The following MYO1D variants were observed in gnomAD, a reference collection of about 807,000 sequenced individuals.
MYO1D encodes the protein unconventional myosin-Id.
In MYO1D, 83 loss-of-function variants were observed where a neutral mutation model predicts 122.0. The ratio of observed to expected loss-of-function variants is 0.68; its 90% CI spans 0.57 to 0.82. The LOEUF (loss-of-function observed/expected upper bound fraction) is 0.82, where lower values mean the gene tolerates loss of function less well. Ranked by LOEUF, MYO1D falls within the 40% of genes least tolerant of loss-of-function variation. The probability of loss-of-function intolerance (pLI) is 0.00; values close to 1 mark genes in which losing one functional copy is unlikely to be tolerated. For missense variants in MYO1D, 1,157 were observed against 1,269.5 expected, an observed-to-expected ratio of 0.91 and a Z score of 1.35; for synonymous variants, 464 against 446.9, an observed-to-expected ratio of 1.04 and a Z score of -0.48.
chr17:32,849,559 G>A lies in MYO1D; in HGVS notation c.95+27219C>T, dbSNP rs189084656. 3.8e-3 allele frequency among the ~76,000 whole-genome samples: 574 copies of A among 150,898 alleles called. 5 individuals are homozygous for A. The highest frequency in any genetic ancestry group is 0.013 in the African/African-American group (519 of 40,532). Reference sequence around the variant, plus strand: ...AAATCATCATTCTCAGTAAACTATCGCAAGAACAAAAAACCAAACACCACA... The same window carrying A: ...AAATCATCATTCTCAGTAAACTATCACAAGAACAAAAAACCAAACACCACA... On this transcript the variant is annotated intron_variant, in intron 1 of 21. Coordinates refer to ENST00000318217, the MANE Select transcript of MYO1D (RefSeq NM_015194.3).
intron 16 of MYO1D, among the ~76,000 whole-genome samples, chr17:32,678,111 A>T (rs2150964734): frequency 6.6e-6 from 1 of 152,294 alleles, no homozygotes; most frequent in Middle Eastern, 3.4e-3. Flanking sequence ...TCTTTCTCAC[A>T]GCCTCCTTAT....
intron 2 of MYO1D, among the ~76,000 whole-genome samples, chr17:32,778,824 G>T (rs1449349704): frequency 2.0e-5 from 3 of 152,038 alleles, no homozygotes; most frequent in Non-Finnish European, 4.4e-5. Flanking sequence ...TACAAATAAA[G>T]ATTTACTTAG....
chr17:32,510,736 G>A (rs1035341757), intron 21 of MYO1D: 2 of 152,150 alleles, frequency 1.3e-5, no homozygotes, highest in South Asian at 2.1e-4. Flanking sequence ...CGACCCCTGC[G>A]TCGGTTCTCT....
intron 21 of MYO1D, among the ~76,000 whole-genome samples, chr17:32,570,961 T>C (rs1455602515): frequency 1.3e-5 from 2 of 152,002 alleles, no homozygotes; most frequent in East Asian, 3.9e-4. Context: ...AGTGACAGAT[T>C]AGTTCCACTT....
At chr17:32,847,728 TG>T (rs1423718937) in intron 1 of MYO1D, among the ~76,000 whole-genome samples, 2 of 152,170 alleles carry the variant, frequency 1.3e-5, no homozygotes, top group African/African-American at 4.8e-5. Context: ...TTGCCCAGGC[TG>T]ATCTCCAACT....
chr17:32,724,427 A>T (rs193251917), intron 14 of MYO1D, among the ~76,000 whole-genome samples: 16 of 152,354 alleles, frequency 1.1e-4, no homozygotes, highest in East Asian at 3.9e-4. Context: ...GGTTAACTAG[A>T]ATAGGTAAAC....
intron 11 of MYO1D, among the ~76,000 whole-genome samples, chr17:32,749,587 C>T (rs1455404720): frequency 2.0e-5 from 3 of 151,988 alleles, no homozygotes; most frequent in Admixed American, 1.3e-4. Flanking sequence ...AAAAATTAGG[C>T]GTGGTGGTAT....
intron 15 of MYO1D, among the ~76,000 whole-genome samples, chr17:32,714,030 C>T (rs1289957919): frequency 2.7e-5 from 4 of 150,560 alleles, no homozygotes; most frequent in Non-Finnish European, 3.0e-5. Context: ...TTAAAGTTTT[C>T]TCATATGTCT....
intron 15 of MYO1D, among the ~76,000 whole-genome samples, chr17:32,715,123 C>G (rs551130556): frequency 6.6e-6 from 1 of 152,254 alleles, no homozygotes; most frequent in African/African-American, 2.4e-5. Flanking sequence ...TAACATCTCA[C>G]GTCAGTCAGA....
intron 1 of MYO1D, among the ~76,000 whole-genome samples, chr17:32,849,521 TGG>T (rs1209203584): frequency 6.6e-6 from 1 of 151,160 alleles, no homozygotes; most frequent in African/African-American, 2.5e-5. Flanking sequence ...TGTAGGGACA[TGG>T]ATGAAACTGG....
At chr17:32,815,628 G>A (rs924776247) in intron 1 of MYO1D, among the ~76,000 whole-genome samples, 9 of 152,136 alleles carry the variant, frequency 5.9e-5, no homozygotes, top group African/African-American at 2.2e-4. Context: ...CACACGCTTT[G>A]GCAAAAGAAA....
At chr17:32,539,876 C>T (rs1285842157) in intron 21 of MYO1D, among the ~76,000 whole-genome samples, 1 of 152,152 alleles carries the variant, frequency 6.6e-6, no homozygotes, top group African/African-American at 2.4e-5. Context: ...AGTTTTAGGT[C>T]ATTCTACAAC....
intron 20 of MYO1D, among the ~76,000 whole-genome samples, chr17:32,625,513 G>A (rs181445429): frequency 7.9e-5 from 12 of 152,162 alleles, no homozygotes; most frequent in Non-Finnish European, 1.6e-4. Context: ...CATGACACAT[G>A]CGATGAATGT....
chr17:32,651,901 C>T (rs897642991), intron 19 of MYO1D, among the ~76,000 whole-genome samples: 19 of 152,078 alleles, frequency 1.2e-4, no homozygotes, highest in Non-Finnish European at 5.9e-5. Context: ...TGGTCTTGAT[C>T]GCTTGACCTC....
chr17:32,729,463 C>T (rs566687224), intron 14 of MYO1D, among the ~76,000 whole-genome samples: 5 of 152,058 alleles, frequency 3.3e-5, no homozygotes, highest in South Asian at 2.1e-4. Flanking sequence ...GAGCCAGGGA[C>T]GTCTACTTCT....
intron 21 of MYO1D, among the ~76,000 whole-genome samples, chr17:32,517,872 G>A (rs1909949187): frequency 6.6e-6 from 1 of 152,262 alleles, no homozygotes; most frequent in Admixed American, 6.5e-5. Context: ...CTGTGAAGGA[G>A]CGGCTGAGCC....
chr17:32,832,536 G>C (rs1008189951), intron 1 of MYO1D, among the ~76,000 whole-genome samples: 1 of 152,094 alleles, frequency 6.6e-6, no homozygotes, highest in Non-Finnish European at 1.5e-5. Flanking sequence ...CTGACCTTGC[G>C]ATCTGCCCGC....
At chr17:32,804,223 A>G (rs1567649979) in intron 1 of MYO1D, among the ~76,000 whole-genome samples, 1 of 152,208 alleles carries the variant, frequency 6.6e-6, no homozygotes, top group Non-Finnish European at 1.5e-5. Context: ...CAGTTGTTAT[A>G]CTATATTTTG....
intron 21 of MYO1D, among the ~76,000 whole-genome samples, chr17:32,571,551 G>T (rs2087228220): frequency 6.6e-6 from 1 of 152,088 alleles, no homozygotes; most frequent in African/African-American, 2.4e-5. Flanking sequence ...ACCGAGAATT[G>T]GGTTTAAATT....
Sources: allele counts gnomAD v4.1 joint callset (sites outside exome capture counted in the v4.1 genomes callset), GRCh38; gene constraint gnomAD v4.1.1; transcripts MANE v1.5; gene names NCBI Gene and HGNC (gene_info 2026-07-23, HGNC 2026-07-21).